Variants in SAMD5 observed in about 807,000 individuals in gnomAD.
The protein encoded by SAMD5 is sterile alpha motif domain containing 5, also known as sterile alpha motif domain-containing protein 5.
Under a neutral mutation model 11.3 loss-of-function variants are expected in SAMD5, and 13 were observed. The observed-to-expected ratio is 1.15, with a 90% CI of 0.75 to 1.83. SAMD5 has a LOEUF of 1.83. Among genes scored for constraint, SAMD5 ranks in the 40% most tolerant of loss-of-function variants. The pLI, the probability that SAMD5 is intolerant of heterozygous loss-of-function variation, is 0.00. For synonymous variants in SAMD5, 129 were observed against 111.3 expected (o/e 1.16, Z -1.00); for missense variants, 255 against 239.1 (o/e 1.07, Z -0.44).
the SAMD5 span, among the ~76,000 whole-genome samples, chr6:147,801,064 T>A: frequency 1.3e-5 from 2 of 152,176 alleles, no homozygotes; most frequent in Non-Finnish European, 2.9e-5. Context: ...TTTAATGTAA[T>A]TCGTAGAAAG....
chr6:147,702,634 A>G (rs1284580502), intron 1 of SAMD5, among the ~76,000 whole-genome samples: 2 of 152,226 alleles, frequency 1.3e-5, no homozygotes, highest in Admixed American at 6.5e-5. Flanking sequence ...AAAATTCACC[A>G]TTTTGTGGTC....
the SAMD5 span, among the ~76,000 whole-genome samples, chr6:147,950,401 A>G: frequency 6.6e-6 from 1 of 152,138 alleles, no homozygotes; most frequent in East Asian, 1.9e-4. Flanking sequence ...ACATGTGTGC[A>G]CTAGCTGGGA....
At chr6:147,721,473 G>GT (rs1246012922) in intron 1 of SAMD5, among the ~76,000 whole-genome samples, 1 of 152,134 alleles carries the variant, frequency 6.6e-6, no homozygotes, top group African/African-American at 2.4e-5. Context: ...TTTTTCATGT[G>GT]TTTTTTGACT....
At chr6:147,670,666 T>C (rs1790782673) in intron 1 of SAMD5, among the ~76,000 whole-genome samples, 1 of 152,256 alleles carries the variant, frequency 6.6e-6, no homozygotes, top group Non-Finnish European at 1.5e-5. Context: ...TTCAGACTTT[T>C]CTTCTACAGC....
At chr6:147,922,487 G>A in the SAMD5 span, among the ~76,000 whole-genome samples, 75 of 152,144 alleles carry the variant, frequency 4.9e-4, no homozygotes, top group African/African-American at 1.6e-3. Context: ...GCCCCTCTAC[G>A]CTAAAAATCA....
In SAMD5 at chr6:147,581,831, A is replaced by G. The variant is rs1323450826; in HGVS notation, c.162+72444A>G. ...GAAGAGAGGGAGCTGGAATAGCTAT[A>G]CCTGGTGGGGCAGGAGGATGAGAGG... On this transcript the variant is annotated intron_variant, in intron 1 of 1. Transcript: ENST00000566741. Among the ~76,000 whole-genome samples, 6 of 152,166 alleles carry G rather than the reference A, an allele frequency of 3.9e-5. No individual in the cohort carries two copies. In the East Asian group the frequency reaches 1.2e-3, roughly 29 times the overall value.
At chr6:147,736,031 G>A (rs940908191) in intron 1 of SAMD5, among the ~76,000 whole-genome samples, 1 of 152,124 alleles carries the variant, frequency 6.6e-6, no homozygotes, top group African/African-American at 2.4e-5. Context: ...GAGATCATGT[G>A]TATTAAGGTC....
chr6:147,943,494 T>C, the SAMD5 span, among the ~76,000 whole-genome samples: 1 of 151,848 alleles, frequency 6.6e-6, no homozygotes, highest in Non-Finnish European at 1.5e-5. Context: ...CCTCCTTTGC[T>C]CTGCGTATTT....
At chr6:147,842,969 C>T in the SAMD5 span, among the ~76,000 whole-genome samples, 8 of 152,182 alleles carry the variant, frequency 5.3e-5, no homozygotes, top group Non-Finnish European at 1.0e-4. Flanking sequence ...AAGTGATTCT[C>T]CCACCTCAGC....
chr6:147,913,044 ACTCT>A, the SAMD5 span, among the ~76,000 whole-genome samples: 59 of 152,220 alleles, frequency 3.9e-4, no homozygotes, highest in African/African-American at 1.4e-3. Context: ...AGGAAGCATC[ACTCT>A]CTATCCTTTC....
At chr6:147,516,163 A>C (rs1378146765) in intron 1 of SAMD5, among the ~76,000 whole-genome samples, 3 of 152,230 alleles carry the variant, frequency 2.0e-5, no homozygotes, top group African/African-American at 7.2e-5. Flanking sequence ...GGCATTCCTC[A>C]AATCATACAC....
chr6:147,953,440 A>G, the SAMD5 span: 3 of 152,188 alleles, frequency 2.0e-5, no homozygotes, highest in Non-Finnish European at 4.4e-5. Flanking sequence ...GCTGAAAAAT[A>G]TCTTAGCATC....
chr6:147,870,690 C>T, the SAMD5 span, among the ~76,000 whole-genome samples: 5 of 149,360 alleles, frequency 3.3e-5, no homozygotes, highest in East Asian at 9.9e-4. Flanking sequence ...GAATGCCAGA[C>T]TGCACACATC....
chr6:147,884,706 TTTTAA>T, the SAMD5 span, among the ~76,000 whole-genome samples: 1 of 152,222 alleles, frequency 6.6e-6, no homozygotes, highest in Non-Finnish European at 1.5e-5. Context: ...GCTAATCTTA[TTTTAA>T]TTTAATTATT....
chr6:147,684,814 G>A (rs1790986577), intron 1 of SAMD5, among the ~76,000 whole-genome samples: 1 of 152,164 alleles, frequency 6.6e-6, no homozygotes, highest in Admixed American at 6.5e-5. Flanking sequence ...AATCACTGGA[G>A]AAAATTACAA....
chr6:147,784,448 G>C, the SAMD5 span, among the ~76,000 whole-genome samples: 1 of 152,150 alleles, frequency 6.6e-6, no homozygotes, highest in Non-Finnish European at 1.5e-5. Flanking sequence ...CTTATGATTT[G>C]TTTTGTTTCC....
intron 1 of SAMD5, among the ~76,000 whole-genome samples, chr6:147,690,409 C>G (rs1406949776): frequency 1.3e-5 from 2 of 152,054 alleles, no homozygotes; most frequent in East Asian, 3.9e-4. Flanking sequence ...CCCATAATTC[C>G]AACACTTTGG....
In SAMD5 at chr6:147,509,196, G is replaced by C; in HGVS notation, c.268G>C (p.Val90Leu). 1 of 1,296,524 alleles carries C rather than the reference G, an allele frequency of 7.7e-7. No homozygotes were observed. Among genetic ancestry groups the C allele is most frequent in the Non-Finnish European group, 9.8e-7 (1 of 1,024,336 alleles). The allele number at this position is 1,296,524 out of a possible 1,614,324, so 80.3% of individuals were successfully genotyped here. A position where few individuals can be genotyped will look rare whatever the true frequency, so the allele number is the denominator to read the frequency against. Residue 90 changes from valine to leucine, a missense_variant, in exon 1 of 2, where the codon GTC becomes CTC. Val to Leu is a conservative substitution (Grantham distance 32). Transcript: ENST00000367474. ...GCCCCCCGGGCCGCCCGCCGACGCCGTCCCCACCGGCCGCCGGGGGGAGCC... is the reference window on the plus strand; with the variant it reads ...GCCCCCCGGGCCGCCCGCCGACGCCCTCCCCACCGGCCGCCGGGGGGAGCC... The part of the protein sequence containing the change: ...PAPPGPPADA[V>L]PTGRRGEPCG...
the SAMD5 span, among the ~76,000 whole-genome samples, chr6:147,782,627 C>A: frequency 2.6e-5 from 4 of 152,008 alleles, no homozygotes; most frequent in African/African-American, 4.8e-5. Context: ...TCAGCACTGG[C>A]GATTAAAAGG....
Sources: gnomAD v4.1 joint callset for allele counts (sites outside exome capture counted in the v4.1 genomes callset) on GRCh38, gnomAD v4.1.1 for gene constraint, MANE v1.5 for transcripts, NCBI Gene and HGNC (gene_info 2026-07-23, HGNC 2026-07-21) for gene names.